The following NEBL variants were observed in gnomAD, a reference collection of about 807,000 sequenced individuals.
NEBL encodes LIM and SH3 protein 2.
A neutral mutation model predicts 140.2 loss-of-function variants in NEBL; 122 were observed. The ratio of observed to expected loss-of-function variants is 0.87; its 90% confidence interval spans 0.75 to 1.01. The LOEUF (loss-of-function observed/expected upper bound fraction) is 1.01, where lower values mean the gene tolerates loss of function less well. Among genes scored for constraint, NEBL ranks in the 50% least tolerant of loss-of-function variants. The pLI, the probability that NEBL is intolerant of heterozygous loss-of-function variation, is 0.00. For missense variants in NEBL, 1,365 were observed against 1,231.3 expected (o/e 1.11, Z -1.62); for synonymous variants, 436 against 398.9 (o/e 1.09, Z -1.11).
At chr10:21,090,183 A>AC (rs1189365353) in intron 2 of NEBL, among the ~76,000 whole-genome samples, 3 of 152,174 alleles carry the variant, frequency 2.0e-5, no homozygotes, top group Non-Finnish European at 4.4e-5. Flanking sequence ...TGCTTGCAAA[A>AC]CAGTATTTAT....
intron 2 of NEBL, among the ~76,000 whole-genome samples, chr10:21,137,167 T>C (rs1839392252): frequency 2.0e-5 from 3 of 152,208 alleles, no homozygotes; most frequent in Admixed American, 2.0e-4. Context: ...CTCTGGACAA[T>C]GAATTTAACC....
At chr10:21,169,463 A>T (rs1030393084) in intron 2 of NEBL, among the ~76,000 whole-genome samples, 1 of 152,254 alleles carries the variant, frequency 6.6e-6, no homozygotes, top group Non-Finnish European at 1.5e-5. Context: ...GCTGATTGAC[A>T]TGCACCACGT....
chr10:21,014,802 A>G (rs1377979788), intron 3 of NEBL, among the ~76,000 whole-genome samples: 1 of 152,224 alleles, frequency 6.6e-6, no homozygotes, highest in East Asian at 1.9e-4. Flanking sequence ...ATTTCTCCCA[A>G]AAGATGTTTA....
At chr10:21,059,859 TAA>T (rs1252856354) in intron 2 of NEBL, among the ~76,000 whole-genome samples, 1 of 152,176 alleles carries the variant, frequency 6.6e-6, no homozygotes, top group East Asian at 1.9e-4. Flanking sequence ...AGGAACAAAA[TAA>T]AGTCATAAGA....
chr10:20,976,887 G>T (rs889833597), intron 3 of NEBL, among the ~76,000 whole-genome samples: 1 of 147,398 alleles, frequency 6.8e-6, no homozygotes, highest in African/African-American at 2.5e-5. Flanking sequence ...ATATACCCAT[G>T]TAACAAACCT....
chr10:21,290,597 C>T (rs11012642), intron 1 of NEBL, among the ~76,000 whole-genome samples: 21,751 of 152,102 alleles, frequency 0.14, 1,728 homozygotes, highest in African/African-American at 0.21. Flanking sequence ...ACAAACTTTT[C>T]TTCTGTTCTT....
intron 2 of NEBL, among the ~76,000 whole-genome samples, chr10:21,142,115 C>T (rs1271249348): frequency 1.3e-5 from 2 of 152,122 alleles, no homozygotes; most frequent in Non-Finnish European, 2.9e-5. Flanking sequence ...CAACAATTCT[C>T]TTAGCACTCT....
chr10:20,959,053 T>C (rs962120702), intron 4 of NEBL, among the ~76,000 whole-genome samples: 2 of 151,776 alleles, frequency 1.3e-5, no homozygotes, highest in Non-Finnish European at 2.9e-5. Context: ...CACTTAGGAG[T>C]TGTCATTAAA....
At chr10:20,827,500 A>C (rs1324110251) in intron 17 of NEBL, among the ~76,000 whole-genome samples, 1 of 152,224 alleles carries the variant, frequency 6.6e-6, no homozygotes, top group Non-Finnish European at 1.5e-5. Context: ...TTTTGATGAG[A>C]TGCTTCCTTA....
At chr10:21,054,412 C>T (rs1032109544) in intron 2 of NEBL, among the ~76,000 whole-genome samples, 1 of 152,150 alleles carries the variant, frequency 6.6e-6, no homozygotes, top group Non-Finnish European at 1.5e-5. Context: ...CCAAGTCAAC[C>T]GTTTGCCCCA....
chr10:21,010,825 A>G (rs552065855), intron 3 of NEBL, among the ~76,000 whole-genome samples: 1 of 152,338 alleles, frequency 6.6e-6, no homozygotes, highest in Admixed American at 6.5e-5. Context: ...AATGAACAGC[A>G]TGACTGTAGC....
At chr10:21,078,511 T>G (rs192844939) in intron 2 of NEBL, among the ~76,000 whole-genome samples, 1 of 150,966 alleles carries the variant, frequency 6.6e-6, no homozygotes, top group East Asian at 2.0e-4. Flanking sequence ...TGAGTTTCAC[T>G]CCTGGTTAAT....
At position 21,003,783 on chromosome 10, in the gene NEBL, A is replaced by G. The variant is rs147231203; in HGVS notation, c.249+16334T>C. Among the ~76,000 whole-genome samples, 266 of 152,370 alleles carry G rather than the reference A, an allele frequency of 1.7e-3. 1 individual carries two copies. The highest frequency in any genetic ancestry group is 3.4e-3 in the Middle Eastern group (1 of 294). On this transcript the variant is annotated intron_variant, in intron 3 of 6. Coordinates refer to the NEBL transcript ENST00000417816. ...ATTGTCATATAATTCTGCTTTTCAT[A>G]GGAACTAGCCTTTGCTTAAACTATT...
intron 2 of NEBL, among the ~76,000 whole-genome samples, chr10:21,119,917 A>G (rs1263757377): frequency 2.6e-5 from 4 of 152,074 alleles, no homozygotes; most frequent in Non-Finnish European, 5.9e-5. Context: ...ATAATGACTG[A>G]TATTTCCTAA....
At chr10:21,028,053 C>A (rs180747671) in intron 2 of NEBL, among the ~76,000 whole-genome samples, 2 of 151,438 alleles carry the variant, frequency 1.3e-5, no homozygotes, top group East Asian at 1.9e-4. Context: ...GTGGTGAAAC[C>A]CTGTCTCTAC....
rs374056224 is a variant in NEBL, at chr10:21,025,763, TA to T, written c.165-5563del. On this transcript the variant is annotated intron_variant, in intron 2 of 6. Transcript: ENST00000417816. ...CTGTGTGCCTTTGGGTTAGGTTTCT[TA>T]ACCTCTCTGGCCTCAACTTTCTCAT... 1.5e-3 allele frequency among the ~76,000 whole-genome samples: 229 copies of T among 152,266 alleles called. 1 individual carries two copies. The highest frequency in any genetic ancestry group is 5.4e-3 in the African/African-American group (226 of 41,566).
Position 20,815,684 on chromosome 10 carries a change from T to C in NEBL, c.2182A>G (p.Thr728Ala), listed in dbSNP as rs71535732. 5.9e-3 allele frequency: 9,544 copies of C among 1,612,100 alleles called. 403 individuals carry two copies. In the East Asian group the frequency reaches 0.093, roughly 16 times the overall value. ...YYRGQLGRAT[T>A]LSVTPEMERV... Reference sequence around the variant, plus strand: ...TCCATTTCAGGAGTTACACTTAAAGTGGTAGCTCTTCCCAGCTGACCTCTG... The same window carrying C: ...TCCATTTCAGGAGTTACACTTAAAGCGGTAGCTCTTCCCAGCTGACCTCTG... Residue 728 changes from threonine to alanine, a missense_variant, in exon 22 of 28, where the codon ACT becomes GCT. By Grantham distance (58) the Thr-to-Ala change is moderately conservative (BLOSUM62 0). Transcript: ENST00000377122.
chr10:21,231,139 C>T lies in NEBL; in HGVS notation n.348+16782G>A, dbSNP rs75670839. On this transcript the variant is annotated intron_variant and non_coding_transcript_variant, in intron 3 of 8. Coordinates refer to the NEBL transcript ENST00000675702. The stretch of plus-strand genomic sequence containing the variant: ...GTTCTTGCTGTGTCCTCGCGATGTG[C>T]GAGCACTTCTTGGCTTGGTGGATGC... Among the ~76,000 whole-genome samples, 17 of 152,280 alleles carry T rather than the reference C, an allele frequency of 1.1e-4. No individual in the cohort carries two copies. In the East Asian group the frequency reaches 3.1e-3, roughly 28 times the overall value.
chr10:21,158,280 T>A (rs576063436), intron 2 of NEBL, among the ~76,000 whole-genome samples: 1 of 152,224 alleles, frequency 6.6e-6, no homozygotes, highest in Non-Finnish European at 1.5e-5. Flanking sequence ...GGATGTTTTC[T>A]CATCCCCAAA....
Sources: gnomAD v4.1 joint callset for allele counts (sites outside exome capture counted in the v4.1 genomes callset) on GRCh38, gnomAD v4.1.1 for gene constraint, MANE v1.5 for transcripts, NCBI Gene and HGNC (gene_info 2026-07-23, HGNC 2026-07-21) for gene names.